CRACDL: variants seen among roughly 807,000 people sequenced by gnomAD.
The protein encoded by CRACDL is CRACD like, also known as CRACD-like protein.
CRACDL carries 26 observed loss-of-function variants against 70.6 expected under a neutral mutation model. That is an observed-to-expected ratio of 0.37 (90% CI 0.27 to 0.51). The LOEUF (loss-of-function observed/expected upper bound fraction) is 0.51, where lower values mean the gene tolerates loss of function less well. CRACDL is among the 20% of genes least tolerant of loss of function. The pLI, the probability that CRACDL is intolerant of heterozygous loss-of-function variation, is 0.94. For synonymous variants in CRACDL, 618 were observed against 615.2 expected (o/e 1.00, Z -0.07); for missense variants, 1,283 against 1,376.9 (o/e 0.93, Z 1.08).
intron 1 of CRACDL, among the ~76,000 whole-genome samples, chr2:98,856,233 T>C (rs1195010288): frequency 1.3e-5 from 2 of 152,290 alleles, no homozygotes; most frequent in South Asian, 2.1e-4. Flanking sequence ...AAAAGAGTTA[T>C]ATAGTTGAAA....
At chr2:98,819,813 T>C (rs533763948) in intron 7 of CRACDL, among the ~76,000 whole-genome samples, 1 of 134,792 alleles carries the variant, frequency 7.4e-6, no homozygotes, top group East Asian at 2.1e-4. Flanking sequence ...GCCTGAAACA[T>C]TCTTTTTTTT....
At chr2:98,805,305 C>A (rs191923089) in intron 7 of CRACDL, among the ~76,000 whole-genome samples, 11 of 152,168 alleles carry the variant, frequency 7.2e-5, no homozygotes, top group South Asian at 2.1e-4. Flanking sequence ...CAAAACCCCC[C>A]CTAAGACAGG....
chr2:98,859,840 T>A (rs1352263109), intron 1 of CRACDL, among the ~76,000 whole-genome samples: 1 of 152,160 alleles, frequency 6.6e-6, no homozygotes, highest in African/African-American at 2.4e-5. Flanking sequence ...TAAAAAGCAC[T>A]GAGATTGAAA....
intron 1 of CRACDL, among the ~76,000 whole-genome samples, chr2:98,902,837 T>C (rs1016400731): frequency 5.3e-5 from 8 of 152,058 alleles, no homozygotes; most frequent in Non-Finnish European, 1.0e-4. Flanking sequence ...CCACAGGTCT[T>C]CTCTCCCAAG....
rs1575348918 is a variant in CRACDL at position 98,822,751 on chromosome 2, C to G, written c.1522G>C (p.Gly508Arg). 2 of 1,268,744 alleles carry G rather than the reference C, an allele frequency of 1.6e-6. No individual in the cohort carries two copies. Among genetic ancestry groups the G allele is most frequent in the East Asian group, 3.1e-5 (1 of 31,800 alleles). 78.6% of individuals were successfully genotyped at this position (1,268,744 alleles called of 1,614,324 possible). The change falls in exon 7 of 10, where the codon GGC becomes CGC. Residue 508 changes from glycine (G) to arginine (R), a missense_variant. Gly to Arg is a moderately radical substitution (Grantham distance 125). Around this residue, in one of 2 missense-constraint regions of CRACDL, gnomAD observed 921 missense variants for 881.9 expected, o/e 1.04. Coordinates refer to ENST00000397899, the MANE Select transcript of CRACDL (RefSeq NM_207362.3). The surrounding 1 kb of genome is among the most constrained non-coding windows in gnomAD (Gnocchi z 4.9). ...GCAAGCGGCGGGGACGCGGCGGGGC[C>G]CTCGCTGGCGGCCGCGGGCCGGTGT... ...LKHRPAAASE[G>R]PAASPPLAAA...
intron 5 of CRACDL, among the ~76,000 whole-genome samples, chr2:98,828,035 T>G (rs1426761496): frequency 6.6e-6 from 1 of 152,244 alleles, no homozygotes; most frequent in Non-Finnish European, 1.5e-5. Context: ...ATTTTACTCA[T>G]TTATACTTCA....
chr2:98,922,231 C>T (rs996822512), intron 1 of CRACDL, among the ~76,000 whole-genome samples: 2 of 151,540 alleles, frequency 1.3e-5, no homozygotes, highest in Non-Finnish European at 2.9e-5. Flanking sequence ...GTCAAGAGTT[C>T]GAGACCAGCC....
intron 1 of CRACDL, among the ~76,000 whole-genome samples, chr2:98,862,036 C>A (rs1706958175): frequency 6.6e-6 from 1 of 152,150 alleles, no homozygotes; most frequent in Admixed American, 6.5e-5. Context: ...CAGGTGACTC[C>A]CTGCAGATTT....
At chr2:98,825,654 T>A (rs977396810) in intron 6 of CRACDL, among the ~76,000 whole-genome samples, 1 of 152,084 alleles carries the variant, frequency 6.6e-6, no homozygotes, top group Non-Finnish European at 1.5e-5. Flanking sequence ...TACAGGCAGG[T>A]CTTGAGTGAC....
At chr2:98,898,009 T>G (rs1237520083) in intron 1 of CRACDL, among the ~76,000 whole-genome samples, 3 of 152,224 alleles carry the variant, frequency 2.0e-5, no homozygotes, top group Admixed American at 6.5e-5. Context: ...TCAAGGAGCC[T>G]CAATGCAGCT....
chr2:98,868,366 T>C (rs191297460), intron 1 of CRACDL, among the ~76,000 whole-genome samples: 156 of 120,160 alleles, frequency 1.3e-3, no homozygotes, highest in African/African-American at 5.3e-3. Flanking sequence ...TCACCTGTAC[T>C]GACAGAGACT....
At chr2:98,880,120 A>T (rs1459779410) in intron 1 of CRACDL, among the ~76,000 whole-genome samples, 2 of 152,246 alleles carry the variant, frequency 1.3e-5, no homozygotes, top group Non-Finnish European at 2.9e-5. Flanking sequence ...TGCAACGCGT[A>T]CACTGTGTAA....
At chr2:98,891,605 C>T (rs998679235) in intron 1 of CRACDL, among the ~76,000 whole-genome samples, 1 of 152,028 alleles carries the variant, frequency 6.6e-6, no homozygotes, top group African/African-American at 2.4e-5. Flanking sequence ...CAATAGCAAT[C>T]TAAGACAGTT....
intron 7 of CRACDL, among the ~76,000 whole-genome samples, chr2:98,809,540 G>C (rs775239059): frequency 6.6e-5 from 10 of 152,194 alleles, no homozygotes; most frequent in African/African-American, 2.2e-4. Flanking sequence ...GACTCTGCAT[G>C]AGGGAAGTTT....
intron 1 of CRACDL, among the ~76,000 whole-genome samples, chr2:98,862,806 A>G (rs1450935927): frequency 6.6e-6 from 1 of 152,150 alleles, no homozygotes; most frequent in Non-Finnish European, 1.5e-5. Flanking sequence ...CATGAAGTGG[A>G]CCAACATACA....
chr2:98,888,288 A>G (rs185359017), intron 1 of CRACDL, among the ~76,000 whole-genome samples: 16 of 152,346 alleles, frequency 1.1e-4, no homozygotes, highest in Non-Finnish European at 1.9e-4. Context: ...TTTCCTTCTA[A>G]TTTAAAAGAC....
chr2:98,924,901 A>G (rs748611097), intron 1 of CRACDL, among the ~76,000 whole-genome samples: 3 of 152,202 alleles, frequency 2.0e-5, no homozygotes, highest in Non-Finnish European at 2.9e-5. Context: ...ATTTCCACAC[A>G]AATGCTTGCC....
At chr2:98,796,974 C>T (rs1304100217) in intron 8 of CRACDL, among the ~76,000 whole-genome samples, 2 of 152,216 alleles carry the variant, frequency 1.3e-5, no homozygotes, top group Non-Finnish European at 2.9e-5. Flanking sequence ...TGGGATGGAG[C>T]TGTCGACATC....
At chr2:98,829,737 G>A (rs140546172) in intron 5 of CRACDL, among the ~76,000 whole-genome samples, 2 of 152,344 alleles carry the variant, frequency 1.3e-5, no homozygotes, top group East Asian at 3.9e-4. Flanking sequence ...CTGAGTGACA[G>A]GTGCTTTAGG....
Sources: allele counts gnomAD v4.1 joint callset (sites outside exome capture counted in the v4.1 genomes callset), GRCh38; gene constraint gnomAD v4.1.1; regional missense constraint gnomAD v4.1.1; non-coding constraint Gnocchi (gnomAD v3.1); transcripts MANE v1.5; gene names NCBI Gene and HGNC (gene_info 2026-07-23, HGNC 2026-07-21).